GSE1: variants seen among roughly 807,000 people sequenced by gnomAD.
GSE1 encodes genetic suppressor element 1.
A neutral mutation model predicts 112.6 loss-of-function variants in GSE1; 32 were observed. The observed-to-expected ratio is 0.28, with a 90% CI of 0.21 to 0.38. The LOEUF is 0.38. Among genes scored for constraint, GSE1 ranks in the 10% least tolerant of loss-of-function variants. The probability of loss-of-function intolerance (pLI) is 1.00; values close to 1 mark genes in which losing one functional copy is unlikely to be tolerated. For synonymous variants in GSE1, 1,115 were observed against 735.6 expected (o/e 1.52, Z -8.35); for missense variants, 2,348 against 1,699.2 (o/e 1.38, Z -6.71).
intron 5 of GSE1, among the ~76,000 whole-genome samples, 185 bp downstream of exon 5, chr16:85,655,176 C>T (rs1266686345): frequency 1.3e-5 from 2 of 152,224 alleles, no homozygotes; most frequent in Non-Finnish European, 2.9e-5. Flanking sequence ...TAGGGGTCCC[C>T]TCCTGGTAGA....
intron 15 of GSE1, 36 bp from the exon 16 acceptor site, chr16:85,672,369 A>G: frequency 6.4e-7 from 1 of 1,558,498 alleles, no homozygotes; most frequent in African/African-American, 1.4e-5. Context: ...TACAGAGGAA[A>G]CGGGTTGGTT....
chr16:85,522,264 G>A (rs187277121), intron 2 of GSE1, among the ~76,000 whole-genome samples: 184 of 152,174 alleles, frequency 1.2e-3, no homozygotes, highest in African/African-American at 3.9e-3. Context: ...CCTGCACTGC[G>A]CCCTTCCCAA....
At chr16:85,408,492 T>G (rs1453549661) in intron 2 of GSE1, among the ~76,000 whole-genome samples, 1 of 52,464 alleles carries the variant, frequency 1.9e-5, no homozygotes, top group Non-Finnish European at 3.8e-5. Context: ...TCAGGGCACC[T>G]GGATAATCCT....
intron 2 of GSE1, among the ~76,000 whole-genome samples, chr16:85,432,337 T>C (rs1207645981): frequency 6.6e-6 from 1 of 152,230 alleles, no homozygotes; most frequent in Non-Finnish European, 1.5e-5. Context: ...CAAGTCCGTA[T>C]TGAAGTGAAA....
chr16:85,336,834 T>C (rs1306303656), intron 1 of GSE1, among the ~76,000 whole-genome samples: 1 of 152,222 alleles, frequency 6.6e-6, no homozygotes, highest in Non-Finnish European at 1.5e-5. Flanking sequence ...TATACATATG[T>C]CATGCCAAAA....
chr16:85,451,936 C>A (rs2049694291), intron 2 of GSE1, among the ~76,000 whole-genome samples: 1 of 152,174 alleles, frequency 6.6e-6, no homozygotes, highest in Non-Finnish European at 1.5e-5. Flanking sequence ...GCTTGAGAGG[C>A]CACCCAAGAG....
At chr16:85,215,423 C>G (rs952427934) in intron 1 of GSE1, among the ~76,000 whole-genome samples, 2 of 151,924 alleles carry the variant, frequency 1.3e-5, no homozygotes, top group South Asian at 2.1e-4. Flanking sequence ...TGTGGGGGGG[C>G]CAGGGATAAA....
chr16:85,197,571 G>A (rs2074951049), intron 1 of GSE1, among the ~76,000 whole-genome samples: 1 of 152,158 alleles, frequency 6.6e-6, no homozygotes, highest in Admixed American at 6.5e-5. Context: ...ATGGGTCCTG[G>A]GGACAGTGTT....
intron 14 of GSE1, chr16:85,670,690 AT>A (rs34099838): frequency 0.34 from 56,345 of 167,830 alleles, 9,075 homozygotes; most frequent in East Asian, 0.58. Flanking sequence ...CTGAAAGCCT[AT>A]TTTTTTTTTT....
chr16:85,383,116 A>G (rs1175500901), intron 2 of GSE1, among the ~76,000 whole-genome samples: 1 of 151,834 alleles, frequency 6.6e-6, no homozygotes, highest in Non-Finnish European at 1.5e-5. Flanking sequence ...GCACCCACAC[A>G]CAGCTCTTGA....
intron 9 of GSE1, among the ~76,000 whole-genome samples, chr16:85,662,068 A>G (rs1456385565): frequency 4.6e-5 from 7 of 152,350 alleles, no homozygotes; most frequent in African/African-American, 1.2e-4. Flanking sequence ...GCGGAGGCTA[A>G]TAAGATAGTT....
At chr16:85,194,723 T>C (rs2074894615) in intron 1 of GSE1, among the ~76,000 whole-genome samples, 1 of 152,188 alleles carries the variant, frequency 6.6e-6, no homozygotes, top group South Asian at 2.1e-4. Flanking sequence ...GGATGTCTAC[T>C]GTGTTGGACT....
At chr16:85,483,351 G>T (rs936525274) in intron 2 of GSE1, among the ~76,000 whole-genome samples, 1 of 152,274 alleles carries the variant, frequency 6.6e-6, no homozygotes, top group African/African-American at 2.4e-5. Flanking sequence ...AGTACGTGGA[G>T]TTGAGTCCCC....
At chr16:85,194,625 C>A (rs1302632415) in intron 1 of GSE1, among the ~76,000 whole-genome samples, 1 of 152,246 alleles carries the variant, frequency 6.6e-6, no homozygotes, top group South Asian at 2.1e-4. Context: ...TTTTTTCCCC[C>A]TTGCTCAAAT....
intron 2 of GSE1, among the ~76,000 whole-genome samples, chr16:85,409,445 C>T (rs1202341032): frequency 4.0e-5 from 1 of 24,870 alleles, no homozygotes; most frequent in African/African-American, 1.2e-4. Flanking sequence ...TCAGGGCCCC[C>T]CCGGATAATC....
At chr16:85,582,724 C>T (rs1280823200) in intron 1 of GSE1, among the ~76,000 whole-genome samples, 1 of 152,088 alleles carries the variant, frequency 6.6e-6, no homozygotes, top group African/African-American at 2.4e-5. Context: ...GGGGTGGGGA[C>T]GGGGCCATCC....
chr16:85,555,708 C>A, upstream of GSE1: 3 of 901,848 alleles, frequency 3.3e-6, no homozygotes, highest in Middle Eastern at 5.9e-4. Context: ...TGGTTCTGAA[C>A]GTGAAACCCT....
intron 1 of GSE1, among the ~76,000 whole-genome samples, chr16:85,565,858 C>T (rs1001132601): frequency 6.6e-6 from 1 of 152,166 alleles, no homozygotes; most frequent in East Asian, 1.9e-4. Flanking sequence ...GTCCCGATGG[C>T]GAGGGTTCCC....
At chr16:85,612,568 C>A (rs1010094454), upstream of GSE1, among the ~76,000 whole-genome samples, 4 of 152,010 alleles carry the variant, frequency 2.6e-5, no homozygotes, top group Non-Finnish European at 5.9e-5. Context: ...TTAAAGAACA[C>A]CCCCCGCAGC....
Sources: gnomAD v4.1 joint callset for allele counts (sites outside exome capture counted in the v4.1 genomes callset) on GRCh38, gnomAD v4.1.1 for gene constraint, MANE v1.5 for transcripts, NCBI Gene and HGNC (gene_info 2026-07-23, HGNC 2026-07-21) for gene names.